SP140: variants seen among roughly 807,000 people sequenced by gnomAD.
The protein encoded by SP140 is nuclear body protein SP140.
Under a neutral mutation model 125.0 loss-of-function variants are expected in SP140, and 81 were observed. That is an observed-to-expected ratio of 0.65 (90% confidence interval 0.54 to 0.78). The LOEUF is 0.78. Among genes scored for constraint, SP140 ranks in the 30% least tolerant of loss-of-function variants. SP140 has a pLI of 0.00. For synonymous variants in SP140, 312 were observed against 354.0 expected, an observed-to-expected ratio of 0.88 and a Z score of 1.33; for missense variants, 858 against 1,037.0, an observed-to-expected ratio of 0.83 and a Z score of 2.37.
Position 230,248,029 on chromosome 2 carries a change from G to A in SP140, c.856G>A (p.Glu286Lys), listed in dbSNP as rs2049758194. 2.5e-6 allele frequency: 4 copies of A among 1,613,784 alleles called. No homozygotes were observed. The highest frequency in any genetic ancestry group is 2.2e-5 in the East Asian group (1 of 44,858). The stretch of plus-strand genomic sequence containing the variant: ...TCCCAGAAAAAGAAACCAAGACAAG[G>A]AGAAGTACCAAGAGAGTCCAGAGGG... ...NSPRKRNQDK[E>K]KYQESPEGRD... Residue 286 changes from glutamate (E) to lysine (K), a missense_variant, in exon 8 of 27, where the codon GAG becomes AAG. Transcript: ENST00000392045.
chr2:230,249,076 G>A (rs796679029), intron 9 of SP140, 108 bp downstream of exon 9: 11 of 750,896 alleles, frequency 1.5e-5, no homozygotes, highest in African/African-American at 8.9e-5. Flanking sequence ...CTTCACATTC[G>A]CATACATACA....
chr2:230,297,574 A>G, intron 22 of SP140, 112 bp downstream of exon 22: 1 of 1,289,140 alleles, frequency 7.8e-7, no homozygotes, highest in East Asian at 2.4e-5. Flanking sequence ...CAGCTGGAGT[A>G]TGTGGCTGTG....
At chr2:230,216,668 C>A in intron 3 of SP140, 1 of 1,291,500 alleles carries the variant, frequency 7.7e-7, no homozygotes. Context: ...ATGAACATGC[C>A]TGGGCTGGGC....
intron 19 of SP140, among the ~76,000 whole-genome samples, chr2:230,291,315 GA>G (rs2057086501): frequency 6.6e-6 from 1 of 152,124 alleles, no homozygotes; most frequent in South Asian, 2.1e-4. Flanking sequence ...TCACCACTTA[GA>G]GTGTACAAAT....
chr2:230,290,609 C>A, intron 19 of SP140, 45 bp downstream of exon 19: 1 of 1,446,480 alleles, frequency 6.9e-7, no homozygotes, highest in Non-Finnish European at 9.6e-7. Context: ...TATCTGAAGG[C>A]ATCACAAGTA....
At chr2:230,227,086 C>A (rs2046539567) in intron 1 of SP140, among the ~76,000 whole-genome samples, 1 of 152,062 alleles carries the variant, frequency 6.6e-6, no homozygotes, top group African/African-American at 2.4e-5. Flanking sequence ...GGTCCTGGAA[C>A]CAATTCCCCC....
upstream of SP140, among the ~76,000 whole-genome samples, chr2:230,224,354 C>T (rs1300925604): frequency 1.3e-5 from 2 of 151,620 alleles, no homozygotes; most frequent in Non-Finnish European, 1.5e-5. Flanking sequence ...CTTGTTGGAG[C>T]CCCATGGAGA....
intron 15 of SP140, among the ~76,000 whole-genome samples, chr2:230,276,244 G>A (rs2054690061): frequency 6.6e-6 from 1 of 152,136 alleles, no homozygotes; most frequent in Admixed American, 6.5e-5. Context: ...TGGTTTCAAA[G>A]CTCCACAGAA....
At chr2:230,265,848 G>C (rs928409440) in intron 12 of SP140, among the ~76,000 whole-genome samples, 2 of 151,966 alleles carry the variant, frequency 1.3e-5, no homozygotes, top group African/African-American at 4.8e-5. Flanking sequence ...AGAGGGTCAT[G>C]TTGCCTAGGC....
chr2:230,310,877 T>A, intron 24 of SP140, 26 bp downstream of exon 24: 5 of 1,029,846 alleles, frequency 4.9e-6, no homozygotes, highest in Admixed American at 2.7e-5. Flanking sequence ...ACCCCAAGCC[T>A]TCTCCTTTCC....
intron 12 of SP140, 57 bp from the exon 13 acceptor site, chr2:230,269,475 T>C: frequency 9.1e-7 from 1 of 1,095,028 alleles, no homozygotes; most frequent in Admixed American, 1.7e-5. Flanking sequence ...CACTGGAAAC[T>C]CTTCTGTGGT....
intron 1 of SP140, among the ~76,000 whole-genome samples, chr2:230,231,834 G>A (rs978523847): frequency 4.6e-5 from 7 of 152,102 alleles, no homozygotes; most frequent in African/African-American, 1.7e-4. Context: ...TGCCTCCTGA[G>A]TAGCAGAGAT....
Position 230,312,817 on chromosome 2 carries a change from T to C in SP140, c.*133T>C. The C allele has an allele frequency of 1.5e-6, 1 of 655,508 alleles. No homozygotes were observed. The highest frequency in any genetic ancestry group is 1.6e-5 in the South Asian group (1 of 61,702). The allele number at this position is 655,508 out of a possible 1,614,324, so 40.6% of individuals were successfully genotyped here. A position where few individuals can be genotyped will look rare whatever the true frequency, so the allele number is the denominator to read the frequency against. ...GGGGCTTTTCTCTGAGCCTCCTTCA[T>C]CTGCCCAAAGACAAATCCTCAAAAG... is the stretch of plus-strand genomic sequence containing the variant. On this transcript the variant is annotated 3_prime_UTR_variant, in exon 27 of 27. Coordinates refer to ENST00000392045, the MANE Select transcript of SP140 (RefSeq NM_007237.5).
At chr2:230,314,651 G>C (rs2059470532), downstream of SP140, among the ~76,000 whole-genome samples, 4 of 152,184 alleles carry the variant, frequency 2.6e-5, no homozygotes, top group Non-Finnish European at 5.9e-5. Flanking sequence ...TGGAAAAGTG[G>C]GTCCCAAGGA....
Position 230,225,830 on chromosome 2 carries a change from T to C in SP140, c.-15T>C. ...GCAGTGAAAATCGAATCGGGTGTGA[T>C]CCTAGGCCAAGCTCATGGCCCAGCA... On this transcript the variant is annotated 5_prime_UTR_variant, in exon 1 of 27. Coordinates refer to ENST00000392045, the MANE Select transcript of SP140 (RefSeq NM_007237.5). The C allele has an allele frequency of 6.2e-7, 1 of 1,613,456 alleles. No homozygotes were observed. The highest frequency in any genetic ancestry group is 8.5e-7 in the Non-Finnish European group (1 of 1,179,394).
At chr2:230,279,025 A>G (rs574241008) in intron 15 of SP140, among the ~76,000 whole-genome samples, 1 of 152,244 alleles carries the variant, frequency 6.6e-6, no homozygotes, top group South Asian at 2.1e-4. Context: ...GTTTCTATGC[A>G]CTAACAATGA....
At chr2:230,256,224 G>A (rs2051168245) in intron 12 of SP140, among the ~76,000 whole-genome samples, 1 of 151,896 alleles carries the variant, frequency 6.6e-6, no homozygotes, top group Admixed American at 6.6e-5. Context: ...ACATGCACAC[G>A]TATGTTTATT....
At chr2:230,243,116 A>G (rs2048945087) in intron 4 of SP140, among the ~76,000 whole-genome samples, 1 of 152,224 alleles carries the variant, frequency 6.6e-6, no homozygotes, top group South Asian at 2.1e-4. Flanking sequence ...TTCAAGGTGG[A>G]ATAAAATTTC....
rs2044078307 is a variant in SP140, at chr2:230,208,112, G to A, written c.-323+4833G>A. On this transcript the variant is annotated intron_variant, in intron 1 of 4. Coordinates refer to the SP140 transcript ENST00000456542. ...TTACAAACATTGATCTCCCAATCTTGTATGTCAATGATATTCAGCTTTTAC... is the reference window on the plus strand; with the variant it reads ...TTACAAACATTGATCTCCCAATCTTATATGTCAATGATATTCAGCTTTTAC... 3 of 999,650 alleles carry A rather than the reference G, an allele frequency of 3.0e-6. No homozygotes were observed. In the South Asian group the frequency reaches 4.0e-5, roughly 13 times the overall value. The allele number at this position is 999,650 out of a possible 1,614,324, so 61.9% of individuals were successfully genotyped here.
Sources: allele counts gnomAD v4.1 joint callset (sites outside exome capture counted in the v4.1 genomes callset), GRCh38; gene constraint gnomAD v4.1.1; transcripts MANE v1.5; gene names NCBI Gene and HGNC (gene_info 2026-07-23, HGNC 2026-07-21).